Variants in TMEM117 observed in about 807,000 individuals in gnomAD.
The protein encoded by TMEM117 is transmembrane protein 117.
Under a neutral mutation model 52.4 loss-of-function variants are expected in TMEM117, and 27 were observed. That is an observed-to-expected ratio of 0.51 (90% CI 0.38 to 0.71). The LOEUF (loss-of-function observed/expected upper bound fraction) is 0.71. TMEM117 is among the 30% of genes least tolerant of loss of function. The pLI is 0.00. For synonymous variants in TMEM117, 215 were observed against 206.3 expected, an observed-to-expected ratio of 1.04 and a Z score of -0.36; for missense variants, 556 against 630.5, an observed-to-expected ratio of 0.88 and a Z score of 1.26.
At chr12:43,982,057 A>G (rs1268458562) in intron 3 of TMEM117, among the ~76,000 whole-genome samples, 3 of 152,242 alleles carry the variant, frequency 2.0e-5, no homozygotes, top group Non-Finnish European at 4.4e-5. Context: ...TGATGGATAC[A>G]CCAAATACCC....
At chr12:44,043,692 A>G (rs940500940) in intron 3 of TMEM117, among the ~76,000 whole-genome samples, 2 of 152,176 alleles carry the variant, frequency 1.3e-5, no homozygotes, top group African/African-American at 4.8e-5. Flanking sequence ...TTCTGGACCT[A>G]TAACTAGACT....
chr12:44,133,183 GC>G (rs1565842102), intron 3 of TMEM117, among the ~76,000 whole-genome samples: 1 of 152,142 alleles, frequency 6.6e-6, no homozygotes, highest in African/African-American at 2.4e-5. Context: ...AAAGATGTCT[GC>G]ATTGTCTTTG....
intron 5 of TMEM117, among the ~76,000 whole-genome samples, chr12:44,234,813 T>G (rs189258386): frequency 1.3e-5 from 2 of 151,654 alleles, no homozygotes; most frequent in East Asian, 3.9e-4. Flanking sequence ...TTATATACTG[T>G]GTGTAATTTC....
chr12:44,076,030 AT>A (rs1291013834), intron 3 of TMEM117, among the ~76,000 whole-genome samples: 1 of 152,190 alleles, frequency 6.6e-6, no homozygotes, highest in African/African-American at 2.4e-5. Context: ...CGGAGAGCCA[AT>A]CAGCTGATGC....
At chr12:43,859,274 G>A (rs1040013546) in intron 2 of TMEM117, among the ~76,000 whole-genome samples, 5 of 152,170 alleles carry the variant, frequency 3.3e-5, no homozygotes, top group Admixed American at 2.0e-4. Context: ...GCAAAGTTGT[G>A]GGGAAGGAAC....
chr12:44,393,810 G>A (rs1198275365), downstream of TMEM117, among the ~76,000 whole-genome samples: 1 of 152,168 alleles, frequency 6.6e-6, no homozygotes, highest in East Asian at 1.9e-4. Context: ...AAACAGATAA[G>A]GTCAAATTAA....
At chr12:44,328,643 C>A (rs901094102) in intron 6 of TMEM117, among the ~76,000 whole-genome samples, 1 of 151,980 alleles carries the variant, frequency 6.6e-6, no homozygotes, top group African/African-American at 2.4e-5. Flanking sequence ...ATGTTTTCCC[C>A]AAATTTAAAA....
chr12:43,817,714 A>G, the TMEM117 span, among the ~76,000 whole-genome samples: 1 of 152,218 alleles, frequency 6.6e-6, no homozygotes, highest in Non-Finnish European at 1.5e-5. Flanking sequence ...TCCACTTAGC[A>G]TCAATGCAGA....
intron 5 of TMEM117, among the ~76,000 whole-genome samples, chr12:44,268,988 A>G (rs1213563310): frequency 6.6e-6 from 1 of 152,136 alleles, no homozygotes; most frequent in Non-Finnish European, 1.5e-5. Flanking sequence ...CCTAAATAAT[A>G]TAGTCGATTA....
At chr12:44,034,945 G>A (rs1248258527) in intron 3 of TMEM117, among the ~76,000 whole-genome samples, 1 of 152,162 alleles carries the variant, frequency 6.6e-6, no homozygotes, top group African/African-American at 2.4e-5. Context: ...TGGAGAGAAA[G>A]GAGGAATTTG....
chr12:44,365,757 A>G (rs1951781547), intron 6 of TMEM117, among the ~76,000 whole-genome samples: 2 of 151,826 alleles, frequency 1.3e-5, no homozygotes, highest in African/African-American at 4.8e-5. Flanking sequence ...TTCTTTTATT[A>G]TTATTATTAT....
At chr12:43,930,652 C>T (rs1592372114) in intron 2 of TMEM117, among the ~76,000 whole-genome samples, 1 of 152,194 alleles carries the variant, frequency 6.6e-6, no homozygotes, top group African/African-American at 2.4e-5. Context: ...GCTAGGTACA[C>T]AGCTATAGAT....
the TMEM117 span, among the ~76,000 whole-genome samples, chr12:44,396,925 C>T: frequency 1.3e-5 from 2 of 151,998 alleles, no homozygotes; most frequent in Non-Finnish European, 2.9e-5. Context: ...TTATCTGATC[C>T]TCTCCATGAT....
intron 2 of TMEM117, among the ~76,000 whole-genome samples, chr12:43,846,002 A>T (rs1943201451): frequency 6.6e-6 from 1 of 152,204 alleles, no homozygotes; most frequent in East Asian, 1.9e-4. Context: ...TTTATAAATC[A>T]TAAAAAAATG....
chr12:44,351,250 G>A (rs1000199186), intron 6 of TMEM117, among the ~76,000 whole-genome samples: 1 of 151,682 alleles, frequency 6.6e-6, no homozygotes, highest in Non-Finnish European at 1.5e-5. Context: ...ATATATTTTG[G>A]TTATTAATCC....
chr12:44,258,736 C>T (rs544078061), intron 5 of TMEM117, among the ~76,000 whole-genome samples: 4 of 152,248 alleles, frequency 2.6e-5, no homozygotes, highest in Admixed American at 6.5e-5. Context: ...TTGAGAATCA[C>T]ATATAAACTT....
chr12:44,273,902 A>G (rs773611589), intron 5 of TMEM117, among the ~76,000 whole-genome samples: 1 of 152,190 alleles, frequency 6.6e-6, no homozygotes, highest in African/African-American at 2.4e-5. Flanking sequence ...CTCCTCTAAG[A>G]TCTGGAACAT....
chr12:44,372,445 G>T (rs1411302937), intron 6 of TMEM117, among the ~76,000 whole-genome samples: 1 of 152,090 alleles, frequency 6.6e-6, no homozygotes, highest in African/African-American at 2.4e-5. Context: ...CTCAGTGTTT[G>T]CTATGAATCA....
rs189717638 is a variant in TMEM117, at chr12:44,211,490, A to C, written c.608+103A>C. 2.4e-3 allele frequency: 1,792 copies of C among 739,108 alleles called. 22 individuals carry two copies. The African/African-American group carries it at 0.029, about 12-fold the overall frequency. 45.8% of individuals were successfully genotyped at this position (739,108 alleles called of 1,614,324 possible). A position where few individuals can be genotyped will look rare whatever the true frequency, so the allele number is the denominator to read the frequency against. Reference sequence around the variant, plus strand: ...CAATTATAGAATTCTATCTAGAGGGACATTTTTGGTAGCTACTATGCTCCA... The same window carrying C: ...CAATTATAGAATTCTATCTAGAGGGCCATTTTTGGTAGCTACTATGCTCCA... On this transcript the variant is annotated intron_variant, in intron 5 of 7. Transcript: ENST00000266534.
Sources: gnomAD v4.1 joint callset for allele counts (sites outside exome capture counted in the v4.1 genomes callset) on GRCh38, gnomAD v4.1.1 for gene constraint, MANE v1.5 for transcripts, NCBI Gene and HGNC (gene_info 2026-07-23, HGNC 2026-07-21) for gene names.